The following GLIS3 variants were observed in gnomAD, a reference collection of about 807,000 sequenced individuals.
The protein encoded by GLIS3 is zinc finger protein GLIS3.
GLIS3 carries 53 observed loss-of-function variants against 78.6 expected under a neutral mutation model. That is an observed-to-expected ratio of 0.67 (90% CI 0.54 to 0.85). GLIS3 has a LOEUF of 0.85. Among genes scored for constraint, GLIS3 ranks in the 40% least tolerant of loss-of-function variants. The pLI is 0.00. For synonymous variants in GLIS3, 684 were observed against 509.9 expected (o/e 1.34, Z -4.60); for missense variants, 1,703 against 1,231.1 (o/e 1.38, Z -5.74).
intron 2 of GLIS3, among the ~76,000 whole-genome samples, chr9:4,245,217 T>C (rs1823691629): frequency 1.3e-5 from 2 of 152,316 alleles, no homozygotes; most frequent in South Asian, 4.2e-4. Context: ...TCTATTGTTT[T>C]TGTAGGTATG....
chr9:4,327,080 G>T (rs1453336284), intron 2 of GLIS3, among the ~76,000 whole-genome samples: 6 of 152,166 alleles, frequency 3.9e-5, no homozygotes, highest in African/African-American at 1.4e-4. Context: ...AATGTGATCT[G>T]TGTTAAGGAG....
the GLIS3 span, among the ~76,000 whole-genome samples, chr9:4,466,393 C>A: frequency 2.0e-5 from 3 of 152,178 alleles, no homozygotes; most frequent in South Asian, 2.1e-4. Flanking sequence ...TAATCCTACA[C>A]ACACTTTTTC....
At chr9:4,054,999 A>G (rs910995394) in intron 4 of GLIS3, among the ~76,000 whole-genome samples, 3 of 152,224 alleles carry the variant, frequency 2.0e-5, no homozygotes, top group African/African-American at 7.2e-5. Flanking sequence ...GTTGATATCT[A>G]GAGCTTTTAA....
intron 2 of GLIS3, among the ~76,000 whole-genome samples, chr9:4,216,378 C>A (rs1463730667): frequency 6.6e-6 from 1 of 151,180 alleles, no homozygotes; most frequent in Non-Finnish European, 1.5e-5. Flanking sequence ...GAGGTTGAGG[C>A]AGGAGAATGG....
At chr9:4,073,563 C>A (rs1254007584) in intron 4 of GLIS3, among the ~76,000 whole-genome samples, 1 of 152,190 alleles carries the variant, frequency 6.6e-6, no homozygotes, top group Non-Finnish European at 1.5e-5. Flanking sequence ...ATACAACGCA[C>A]AGCTGCAAAG....
chr9:4,464,520 G>A, the GLIS3 span, among the ~76,000 whole-genome samples: 51,881 of 151,630 alleles, frequency 0.34, 10,079 homozygotes, highest in Middle Eastern at 0.5. Flanking sequence ...TCAGCCTCCC[G>A]AGCAGCTGGG....
intron 4 of GLIS3, among the ~76,000 whole-genome samples, chr9:3,991,071 A>G (rs933542866): frequency 7.2e-5 from 11 of 152,226 alleles, no homozygotes; most frequent in South Asian, 2.1e-4. Context: ...ATTCTCAAGC[A>G]AAAGGTTTCT....
At chr9:4,056,898 CTTTTTTTTT>C (rs34752011) in intron 4 of GLIS3, among the ~76,000 whole-genome samples, 1 of 98,060 alleles carries the variant, frequency 1.0e-5, no homozygotes, top group African/African-American at 3.8e-5. Context: ...CTTCAAGACA[CTTTTTTTTT>C]TTTTTTTTTT....
chr9:4,017,456 G>A (rs899026407), intron 4 of GLIS3, among the ~76,000 whole-genome samples: 2 of 151,968 alleles, frequency 1.3e-5, no homozygotes, highest in African/African-American at 2.4e-5. Context: ...ACACACACAT[G>A]AGCGCGCGTA....
At chr9:4,431,808 C>T in the GLIS3 span, among the ~76,000 whole-genome samples, 28 of 147,944 alleles carry the variant, frequency 1.9e-4, no homozygotes, top group African/African-American at 6.8e-4. Context: ...GGCACCATTG[C>T]ACTCCAGCCT....
At chr9:4,474,419 C>T in the GLIS3 span, among the ~76,000 whole-genome samples, 1 of 152,068 alleles carries the variant, frequency 6.6e-6, no homozygotes, top group South Asian at 2.1e-4. Flanking sequence ...CAGACGCACA[C>T]ATATACATAT....
chr9:4,048,599 G>A (rs1825450150), intron 4 of GLIS3, among the ~76,000 whole-genome samples: 1 of 152,274 alleles, frequency 6.6e-6, no homozygotes, highest in East Asian at 1.9e-4. Flanking sequence ...ATGACCTAAT[G>A]AAGACAGAAG....
chr9:4,258,759 G>T (rs991107273), intron 2 of GLIS3, among the ~76,000 whole-genome samples: 1 of 152,182 alleles, frequency 6.6e-6, no homozygotes, highest in East Asian at 1.9e-4. Context: ...CTAGCTACAT[G>T]GGTCAATGTA....
At chr9:4,364,137 G>C in the GLIS3 span, among the ~76,000 whole-genome samples, 1 of 152,078 alleles carries the variant, frequency 6.6e-6, no homozygotes, top group Non-Finnish European at 1.5e-5. Flanking sequence ...AAATATCCAA[G>C]GGTCTCATTC....
intron 2 of GLIS3, among the ~76,000 whole-genome samples, chr9:4,238,104 C>A (rs1276107915): frequency 1.3e-5 from 2 of 152,154 alleles, no homozygotes; most frequent in East Asian, 3.9e-4. Context: ...CAGGAGTAAG[C>A]CTTTAGGACC....
chr9:3,901,241 T>G (rs558874911), intron 6 of GLIS3: 11 of 183,594 alleles, frequency 6.0e-5, no homozygotes, highest in African/African-American at 2.6e-4. Context: ...ACAGCCTTGT[T>G]GCTCACACTT....
At chr9:3,906,175 G>T (rs565967392) in intron 6 of GLIS3, among the ~76,000 whole-genome samples, 4 of 152,224 alleles carry the variant, frequency 2.6e-5, no homozygotes, top group Admixed American at 6.5e-5. Context: ...TGAAGATTCC[G>T]TATTTGCTTT....
At chr9:4,141,759 T>A (rs749932750) in intron 2 of GLIS3, among the ~76,000 whole-genome samples, 5 of 152,184 alleles carry the variant, frequency 3.3e-5, no homozygotes, top group African/African-American at 1.2e-4. Flanking sequence ...CTCAGAAAAT[T>A]TGTCATTGTA....
chr9:3,949,945 C>T (rs2130838870), intron 4 of GLIS3, among the ~76,000 whole-genome samples: 1 of 152,262 alleles, frequency 6.6e-6, no homozygotes, highest in Admixed American at 6.5e-5. Context: ...GAATGCCAAG[C>T]CCTACTGCCT....
Sources: gnomAD v4.1 joint callset for allele counts (sites outside exome capture counted in the v4.1 genomes callset) on GRCh38, gnomAD v4.1.1 for gene constraint, MANE v1.5 for transcripts, NCBI Gene and HGNC (gene_info 2026-07-23, HGNC 2026-07-21) for gene names.